The following ST6GAL1 variants were observed in gnomAD, a reference collection of about 807,000 sequenced individuals.
ST6GAL1 encodes the protein ST6 beta-galactoside alpha-2,6-sialyltransferase 1.
ST6GAL1 carries 20 observed loss-of-function variants against 38.0 expected under a neutral mutation model. That is an observed-to-expected ratio of 0.53 (90% CI 0.37 to 0.77). ST6GAL1 has a LOEUF of 0.77. ST6GAL1 is among the 30% of genes least tolerant of loss of function. The probability of loss-of-function intolerance (pLI) is 0.00; values close to 1 mark genes in which losing one functional copy is unlikely to be tolerated. For missense variants in ST6GAL1, 432 were observed against 496.4 expected (o/e 0.87, Z 1.23); for synonymous variants, 196 against 188.2 (o/e 1.04, Z -0.34).
intron 2 of ST6GAL1, among the ~76,000 whole-genome samples, chr3:187,013,507 G>A (rs1056460910): frequency 5.9e-5 from 9 of 152,166 alleles, no homozygotes; most frequent in Admixed American, 2.0e-4. Context: ...TGCCTCCCAC[G>A]AGGGTCCCAC....
chr3:186,967,313 T>TC (rs1319287934), intron 2 of ST6GAL1, among the ~76,000 whole-genome samples: 1 of 152,212 alleles, frequency 6.6e-6, no homozygotes, highest in Admixed American at 6.5e-5. Context: ...TACTTCAGCC[T>TC]CCCAAGTAGC....
chr3:187,026,089 T>C (rs1358579663), intron 2 of ST6GAL1, among the ~76,000 whole-genome samples: 1 of 152,228 alleles, frequency 6.6e-6, no homozygotes, highest in African/African-American at 2.4e-5. Flanking sequence ...TCTCAGGCAC[T>C]GCGCGCCCCT....
intron 2 of ST6GAL1, among the ~76,000 whole-genome samples, chr3:186,980,575 T>C (rs1455528286): frequency 1.5e-5 from 2 of 131,834 alleles, no homozygotes; most frequent in East Asian, 4.3e-4. Context: ...CTGGCCAACA[T>C]GGTGAAACCC....
intron 2 of ST6GAL1, among the ~76,000 whole-genome samples, chr3:187,035,234 T>G (rs1016530613): frequency 1.3e-5 from 2 of 152,222 alleles, no homozygotes; most frequent in African/African-American, 4.8e-5. Context: ...TACAAAACTT[T>G]GCTGAAAGAA....
At chr3:186,996,868 T>C (rs942170652) in intron 2 of ST6GAL1, among the ~76,000 whole-genome samples, 1 of 151,738 alleles carries the variant, frequency 6.6e-6, no homozygotes, top group African/African-American at 2.4e-5. Flanking sequence ...CCCTCTCTGC[T>C]TGGGTCCCTG....
chr3:187,043,069 C>A lies in ST6GAL1; in HGVS notation c.366C>A (p.Tyr122Ter), dbSNP rs946491486. Reference protein sequence around the residue: ...IWKNYLSMNKYKVSYKGPGPG... With the variant: ...IWKNYLSMNK ...AGAATTACCTAAGCATGAACAAGTA[C>A]AAAGTGTCCTACAAGGGGCCAGGAC... Residue 122 changes from tyrosine to a stop codon, truncating the protein, a stop_gained, in exon 4 of 8, where the codon TAC (tyrosine) becomes TAA (stop). Coordinates refer to ENST00000169298, the MANE Select transcript of ST6GAL1 (RefSeq NM_173216.2). LOFTEE classifies it high-confidence loss of function. 6.2e-7 allele frequency: 1 copy of A among 1,614,074 alleles called. No homozygotes were observed. The highest frequency in any genetic ancestry group is 8.5e-7 in the Non-Finnish European group (1 of 1,180,054).
chr3:187,054,471 C>T (rs1718621716), intron 5 of ST6GAL1, among the ~76,000 whole-genome samples: 1 of 152,094 alleles, frequency 6.6e-6, no homozygotes, highest in African/African-American at 2.4e-5. Context: ...GAGATACATT[C>T]CATCAATACC....
intron 1 of ST6GAL1, among the ~76,000 whole-genome samples, chr3:186,934,919 A>G (rs944402464): frequency 2.0e-5 from 3 of 151,934 alleles, no homozygotes; most frequent in African/African-American, 7.3e-5. Flanking sequence ...GGTGCCCGCC[A>G]CCACGCCCGG....
chr3:187,011,304 G>T (rs1716950174), intron 2 of ST6GAL1, among the ~76,000 whole-genome samples: 1 of 152,208 alleles, frequency 6.6e-6, no homozygotes, highest in Admixed American at 6.5e-5. Context: ...CGGAGAAAAA[G>T]GATTTATTTT....
intron 5 of ST6GAL1, chr3:187,072,579 T>C (rs1261567141): frequency 2.5e-6 from 1 of 400,258 alleles, no homozygotes; most frequent in East Asian, 5.7e-5. Flanking sequence ...ATTTTCACTG[T>C]ACCCTTGCCC....
At position 186,952,135 on chromosome 3, in the gene ST6GAL1, C is replaced by T. The variant is rs142043246; in HGVS notation, c.-324-11650C>T. Among the ~76,000 whole-genome samples, 43 of 152,244 alleles carry T rather than the reference C, an allele frequency of 2.8e-4. No homozygotes were observed. The highest frequency in any genetic ancestry group is 2.5e-4 in the Non-Finnish European group (17 of 68,018). On this transcript the variant is annotated intron_variant, in intron 1 of 7. Transcript: ENST00000169298. The surrounding 1 kb of genome is among the most constrained non-coding windows in gnomAD (Gnocchi z 4.1). Reference sequence around the variant, plus strand: ...TGAGGCTTCAGGAAGCTTTTACTCACGGCAGGAGGTGAAAAGGGAGGGGGT... The same window carrying T: ...TGAGGCTTCAGGAAGCTTTTACTCATGGCAGGAGGTGAAAAGGGAGGGGGT...
At chr3:186,979,775 G>A (rs939459821) in intron 2 of ST6GAL1, among the ~76,000 whole-genome samples, 1 of 152,142 alleles carries the variant, frequency 6.6e-6, no homozygotes, top group Non-Finnish European at 1.5e-5. Flanking sequence ...AAGTTGCTGT[G>A]TAGGTGCTTA....
At chr3:187,025,350 C>G (rs1717500500) in intron 2 of ST6GAL1, 1 of 152,218 alleles carries the variant, frequency 6.6e-6, no homozygotes, top group African/African-American at 2.4e-5. Context: ...TCTTCTTTGT[C>G]TGGCTCTCTG....
rs78948238 is a variant in ST6GAL1 at position 186,970,028 on chromosome 3, A to G, written c.-183+6102A>G. Among the ~76,000 whole-genome samples, 1,391 of 152,236 alleles carry G rather than the reference A, an allele frequency of 9.1e-3. 22 individuals are homozygous for G. Among genetic ancestry groups the G allele is most frequent in the African/African-American group, 0.031 (1,286 of 41,530 alleles). ...GCACAGGAAGTTGAAAAGATAGTAC[A>G]GAGACTCCTGATGCATCCTTCCTTT... On this transcript the variant is annotated intron_variant, in intron 2 of 7. Coordinates refer to ENST00000169298, the MANE Select transcript of ST6GAL1 (RefSeq NM_173216.2).
chr3:187,055,088 G>A (rs539804313), intron 5 of ST6GAL1, among the ~76,000 whole-genome samples: 1 of 152,258 alleles, frequency 6.6e-6, no homozygotes, highest in South Asian at 2.1e-4. Context: ...TTTGCATAGA[G>A]GTGTTTATAG....
At chr3:186,941,853 A>G (rs896451980) in intron 1 of ST6GAL1, among the ~76,000 whole-genome samples, 1 of 152,166 alleles carries the variant, frequency 6.6e-6, no homozygotes, top group Non-Finnish European at 1.5e-5. Context: ...TCTACTAAAA[A>G]TACAAAAAAT....
At chr3:186,974,445 A>C (rs960882031) in intron 2 of ST6GAL1, among the ~76,000 whole-genome samples, 1 of 152,072 alleles carries the variant, frequency 6.6e-6, no homozygotes, top group Non-Finnish European at 1.5e-5. Context: ...TTTGATCATC[A>C]TACAGATATT....
At chr3:186,973,902 T>G (rs1021751458) in intron 2 of ST6GAL1, among the ~76,000 whole-genome samples, 1 of 152,192 alleles carries the variant, frequency 6.6e-6, no homozygotes, top group Non-Finnish European at 1.5e-5. Context: ...CTGGGCACTG[T>G]GAACACATGA....
At chr3:187,039,300 G>A (rs1718046248) in intron 3 of ST6GAL1, among the ~76,000 whole-genome samples, 1 of 152,164 alleles carries the variant, frequency 6.6e-6, no homozygotes, top group East Asian at 1.9e-4. Flanking sequence ...GCCTCGTGAT[G>A]ATTGTAAAGA....
Sources: allele counts gnomAD v4.1 joint callset (sites outside exome capture counted in the v4.1 genomes callset), GRCh38; gene constraint gnomAD v4.1.1; non-coding constraint Gnocchi (gnomAD v3.1); transcripts MANE v1.5; gene names NCBI Gene and HGNC (gene_info 2026-07-23, HGNC 2026-07-21).